The following PSD2 variants were observed in gnomAD, a reference collection of about 807,000 sequenced individuals.
PSD2 encodes the protein pleckstrin and Sec7 domain containing 2, also known as PH and SEC7 domain-containing protein 2.
A neutral mutation model predicts 69.8 loss-of-function variants in PSD2; 38 were observed. The ratio of observed to expected loss-of-function variants is 0.54; its 90% confidence interval spans 0.42 to 0.71. PSD2 has a LOEUF of 0.71. Ranked by LOEUF, PSD2 falls within the 30% of genes least tolerant of loss-of-function variation. The pLI is 0.00. For synonymous variants in PSD2, 412 were observed against 423.0 expected, an observed-to-expected ratio of 0.97 and a Z score of 0.32; for missense variants, 943 against 1,014.5, an observed-to-expected ratio of 0.93 and a Z score of 0.96.
chr5:139,759,235 G>A, the PSD2 span, among the ~76,000 whole-genome samples: 1 of 152,126 alleles, frequency 6.6e-6, no homozygotes, highest in African/African-American at 2.4e-5. Context: ...ACCGCACACC[G>A]CAGATCCCAG....
chr5:139,818,628 C>T (rs1368227656), intron 5 of PSD2, among the ~76,000 whole-genome samples: 6 of 152,290 alleles, frequency 3.9e-5, no homozygotes, highest in East Asian at 1.9e-4. Context: ...GGGATATTTT[C>T]GGTTGACCTG....
chr5:139,756,176 C>T, the PSD2 span, among the ~76,000 whole-genome samples: 1 of 152,190 alleles, frequency 6.6e-6, no homozygotes, highest in Non-Finnish European at 1.5e-5. Flanking sequence ...GGTTATTTCT[C>T]CCCCCTCTTC....
intron 1 of PSD2, among the ~76,000 whole-genome samples, chr5:139,804,822 G>A (rs1759757589): frequency 6.6e-6 from 1 of 152,182 alleles, no homozygotes; most frequent in African/African-American, 2.4e-5. Flanking sequence ...AGGCAAATTA[G>A]GGGGATTGCC....
the PSD2 span, among the ~76,000 whole-genome samples, chr5:139,772,149 A>G: frequency 6.6e-6 from 1 of 152,088 alleles, no homozygotes; most frequent in Non-Finnish European, 1.5e-5. Flanking sequence ...TGGGAGTGGA[A>G]GGGCAGCTGG....
At chr5:139,767,380 T>A in the PSD2 span, among the ~76,000 whole-genome samples, 1 of 152,056 alleles carries the variant, frequency 6.6e-6, no homozygotes, top group Non-Finnish European at 1.5e-5. Flanking sequence ...AATGTCACGA[T>A]CTCAGATCAC....
the PSD2 span, among the ~76,000 whole-genome samples, chr5:139,766,874 T>TCTTC: frequency 6.6e-6 from 1 of 150,598 alleles, no homozygotes; most frequent in African/African-American, 2.4e-5. Flanking sequence ...TTTCTTTCTT[T>TCTTC]CTTTCTTTCT....
At chr5:139,745,496 C>T in the PSD2 span, among the ~76,000 whole-genome samples, 1 of 152,234 alleles carries the variant, frequency 6.6e-6, no homozygotes, top group Non-Finnish European at 1.5e-5. Flanking sequence ...ATGGCAACCC[C>T]AGGGGGCCCT....
chr5:139,830,521 T>TCTTTCTTCCTTCCTTCCTTCCTTCCTTC (rs1760548082), intron 7 of PSD2, among the ~76,000 whole-genome samples: 1 of 96,980 alleles, frequency 1.0e-5, no homozygotes, highest in Non-Finnish European at 2.0e-5. Context: ...CAGCTAATTT[T>TCTTTCTTCCTTCCTTCCTTCCTTCCTTC]CTTCCTTCCT....
chr5:139,754,682 G>C, the PSD2 span, among the ~76,000 whole-genome samples: 1 of 151,950 alleles, frequency 6.6e-6, no homozygotes, highest in African/African-American at 2.4e-5. Flanking sequence ...GGGTGATAGA[G>C]TGACACCCTG....
intron 1 of PSD2, among the ~76,000 whole-genome samples, chr5:139,796,981 C>A (rs1053361779): frequency 2.0e-5 from 3 of 151,838 alleles, no homozygotes; most frequent in Admixed American, 1.3e-4. Context: ...TCCCCAGTTC[C>A]TTTTTCTAGA....
chr5:139,761,549 T>G, the PSD2 span, among the ~76,000 whole-genome samples: 1 of 152,324 alleles, frequency 6.6e-6, no homozygotes, highest in East Asian at 1.9e-4. Flanking sequence ...CAGGGTCTTC[T>G]TTCCGTCCTT....
the PSD2 span, among the ~76,000 whole-genome samples, chr5:139,758,256 C>T: frequency 6.6e-6 from 1 of 152,006 alleles, no homozygotes; most frequent in African/African-American, 2.4e-5. Context: ...CTGGGAGCAC[C>T]CTTTCTTTCT....
intron 7 of PSD2, among the ~76,000 whole-genome samples, chr5:139,831,008 C>G (rs901084957): frequency 1.3e-5 from 2 of 151,774 alleles, no homozygotes; most frequent in African/African-American, 2.4e-5. Flanking sequence ...CTTGTTCTTC[C>G]TGTTACTAAG....
At chr5:139,838,593 G>A (rs1289696966) in intron 12 of PSD2, 35 bp from the exon 13 acceptor site, 1 of 1,600,022 alleles carries the variant, frequency 6.2e-7, no homozygotes, top group Non-Finnish European at 8.5e-7. Flanking sequence ...AGTCCTGTGT[G>A]AGAGGCCGGC....
chr5:139,828,253 G>A (rs1479419147), intron 7 of PSD2, among the ~76,000 whole-genome samples: 1 of 152,148 alleles, frequency 6.6e-6, no homozygotes, highest in African/African-American at 2.4e-5. Flanking sequence ...GGGTAAGCGG[G>A]GGAGAACCAC....
At chr5:139,812,145 C>T (rs559739550) in intron 2 of PSD2, among the ~76,000 whole-genome samples, 50 of 152,254 alleles carry the variant, frequency 3.3e-4, no homozygotes, top group African/African-American at 1.1e-3. Context: ...ATGGAGCTTA[C>T]GGTCTAGTGG....
chr5:139,766,916 C>T, the PSD2 span, among the ~76,000 whole-genome samples: 13,985 of 44,812 alleles, frequency 0.31, 2,643 homozygotes, highest in Admixed American at 0.42. Context: ...TCCCTTCCTT[C>T]CTTCCTTCCT....
chr5:139,829,477 T>A (rs910596183), intron 7 of PSD2, among the ~76,000 whole-genome samples: 10 of 152,206 alleles, frequency 6.6e-5, no homozygotes, highest in Admixed American at 4.6e-4. Flanking sequence ...CCCATACCCA[T>A]CAGCAGTCAT....
At chr5:139,781,424 C>T in the PSD2 span, among the ~76,000 whole-genome samples, 1 of 151,958 alleles carries the variant, frequency 6.6e-6, no homozygotes, top group Non-Finnish European at 1.5e-5. Context: ...CAAGCTCCAC[C>T]TCCTGGGTTC....
Sources: allele counts gnomAD v4.1 joint callset (sites outside exome capture counted in the v4.1 genomes callset), GRCh38; gene constraint gnomAD v4.1.1; transcripts MANE v1.5; gene names NCBI Gene and HGNC (gene_info 2026-07-23, HGNC 2026-07-21).